Variants in EPHA4 observed in about 807,000 individuals in gnomAD.
EPHA4 encodes EPH receptor A4.
A neutral mutation model predicts 108.3 loss-of-function variants in EPHA4; 19 were observed. That is an observed-to-expected ratio of 0.18 (90% confidence interval 0.12 to 0.26). The LOEUF is 0.26. EPHA4 is among the 10% of genes least tolerant of loss of function. The pLI is 1.00. For missense variants in EPHA4, 917 were observed against 1,254.0 expected (o/e 0.73, Z 4.06); for synonymous variants, 449 against 455.5 (o/e 0.99, Z 0.18).
At chr2:221,551,042 G>A (rs188608502) in intron 3 of EPHA4, among the ~76,000 whole-genome samples, 5 of 152,132 alleles carry the variant, frequency 3.3e-5, no homozygotes, top group African/African-American at 1.2e-4. Flanking sequence ...TCATAAGGAT[G>A]TTCACAATCT....
intron 3 of EPHA4, among the ~76,000 whole-genome samples, chr2:221,533,401 C>T (rs1010588047): frequency 1.3e-5 from 2 of 151,988 alleles, no homozygotes; most frequent in African/African-American, 2.4e-5. Flanking sequence ...CACCCCTGCC[C>T]CCGTATGTAT....
At chr2:221,550,411 GGAAAGGGGAGAGAGAGA>G (rs997351686) in intron 3 of EPHA4, among the ~76,000 whole-genome samples, 12 of 125,224 alleles carry the variant, frequency 9.6e-5, no homozygotes, top group African/African-American at 3.3e-4. Flanking sequence ...AACCTGATGA[GGAAAGGGGAGAGAGAGA>G]GAGAGAGAGA....
intron 3 of EPHA4, among the ~76,000 whole-genome samples, chr2:221,531,731 G>A (rs375652265): frequency 0.044 from 3,043 of 68,394 alleles, 93 homozygotes; most frequent in East Asian, 0.12. Flanking sequence ...CATACATTCG[G>A]CCTAATTTCT....
At chr2:221,553,843 A>C (rs893600089) in intron 3 of EPHA4, among the ~76,000 whole-genome samples, 7 of 152,226 alleles carry the variant, frequency 4.6e-5, no homozygotes, top group African/African-American at 1.7e-4. Context: ...CCTTCTATTA[A>C]GAATTGAATA....
At chr2:221,461,229 G>A (rs540975014) in intron 5 of EPHA4, among the ~76,000 whole-genome samples, 5 of 152,224 alleles carry the variant, frequency 3.3e-5, no homozygotes, top group South Asian at 2.1e-4. Flanking sequence ...ATATCTCATC[G>A]GTGTGTTCCC....
At chr2:221,494,918 T>C (rs568570910) in intron 4 of EPHA4, among the ~76,000 whole-genome samples, 1 of 150,132 alleles carries the variant, frequency 6.7e-6, no homozygotes, top group African/African-American at 2.5e-5. Context: ...TAAGAAAAGA[T>C]TCATAAAATC....
At chr2:221,463,775 A>T (rs1691221289) in intron 5 of EPHA4, among the ~76,000 whole-genome samples, 1 of 152,194 alleles carries the variant, frequency 6.6e-6, no homozygotes, top group African/African-American at 2.4e-5. Context: ...TCCTTGTGAC[A>T]CCCAAATGGG....
chr2:221,457,297 C>T (rs1690989737), intron 6 of EPHA4, among the ~76,000 whole-genome samples: 1 of 152,198 alleles, frequency 6.6e-6, no homozygotes, highest in Non-Finnish European at 1.5e-5. Context: ...CTTCAAAATT[C>T]TGTCCTGTAA....
intron 11 of EPHA4, among the ~76,000 whole-genome samples, chr2:221,440,401 T>C (rs113426270): frequency 0.027 from 4,046 of 152,220 alleles, 176 homozygotes; most frequent in African/African-American, 0.093. Context: ...AGAGCCTCCT[T>C]TTTAGAAAAC....
At position 221,434,124 on chromosome 2, in the gene EPHA4, C is replaced by T. The variant is rs913830978; in HGVS notation, c.2496+18G>A. The T allele has an allele frequency of 6.2e-7, 1 of 1,602,090 alleles. No homozygotes were observed. Among genetic ancestry groups the T allele is most frequent in the Non-Finnish European group, 8.5e-7 (1 of 1,174,124 alleles). On this transcript the variant is annotated intron_variant, in intron 14 of 17. Coordinates refer to ENST00000281821, the MANE Select transcript of EPHA4 (RefSeq NM_004438.5). Reference sequence around the variant, plus strand: ...AATCTCAATGTGAAAAAATATATTTCAGAACATAGAGACTTACATCTTGAT... The same window carrying T: ...AATCTCAATGTGAAAAAATATATTTTAGAACATAGAGACTTACATCTTGAT...
chr2:221,443,411 A>T (rs1690490588), intron 10 of EPHA4, 82 bp downstream of exon 10: 1 of 1,049,434 alleles, frequency 9.5e-7, no homozygotes, highest in Non-Finnish European at 1.4e-6. Flanking sequence ...TATACTCACA[A>T]AAGCATTTAT....
chr2:221,517,577 C>T (rs769049016), intron 3 of EPHA4, among the ~76,000 whole-genome samples: 13 of 151,918 alleles, frequency 8.6e-5, no homozygotes, highest in Admixed American at 2.0e-4. Context: ...AGCCGGGAGT[C>T]GAGAGTTCCA....
At chr2:221,565,613 A>T (rs1039527285) in intron 2 of EPHA4, among the ~76,000 whole-genome samples, 1 of 152,202 alleles carries the variant, frequency 6.6e-6, no homozygotes, top group African/African-American at 2.4e-5. Context: ...TGCACTGGCA[A>T]ACTCTTAATG....
chr2:221,468,241 A>T (rs1339916067), intron 5 of EPHA4, among the ~76,000 whole-genome samples: 1 of 152,082 alleles, frequency 6.6e-6, no homozygotes, highest in Non-Finnish European at 1.5e-5. Flanking sequence ...AGGAAAAAAA[A>T]AAGGCCCCCC....
chr2:221,452,091 A>C (rs1442072366), intron 8 of EPHA4, among the ~76,000 whole-genome samples: 1 of 152,242 alleles, frequency 6.6e-6, no homozygotes, highest in Non-Finnish European at 1.5e-5. Flanking sequence ...CTCTGAGGTC[A>C]TCAGAAGGAC....
chr2:221,507,438 G>A (rs1258807629), intron 3 of EPHA4, among the ~76,000 whole-genome samples: 1 of 152,088 alleles, frequency 6.6e-6, no homozygotes, highest in African/African-American at 2.4e-5. Context: ...CTTTGAATCA[G>A]TTCAAATTTC....
At chr2:221,472,886 T>C (rs1035342379) in intron 5 of EPHA4, among the ~76,000 whole-genome samples, 12 of 152,202 alleles carry the variant, frequency 7.9e-5, no homozygotes, top group African/African-American at 2.9e-4. Context: ...ACAGTTCGTT[T>C]AGATCAGGCC....
chr2:221,469,421 C>T (rs2106128373), intron 5 of EPHA4, among the ~76,000 whole-genome samples: 1 of 152,188 alleles, frequency 6.6e-6, no homozygotes, highest in Admixed American at 6.5e-5. Context: ...CTCATATGAC[C>T]TCAGAGGAAA....
chr2:221,513,128 C>A (rs977075111), intron 3 of EPHA4, among the ~76,000 whole-genome samples: 2 of 152,146 alleles, frequency 1.3e-5, no homozygotes. Flanking sequence ...TAGCCTGGAA[C>A]AAAACACTGA....
Sources: gnomAD v4.1 joint callset for allele counts (sites outside exome capture counted in the v4.1 genomes callset) on GRCh38, gnomAD v4.1.1 for gene constraint, MANE v1.5 for transcripts, NCBI Gene and HGNC (gene_info 2026-07-23, HGNC 2026-07-21) for gene names.